The following PES1 variants were observed in gnomAD, a reference collection of about 807,000 sequenced individuals.
The protein encoded by PES1 is pescadillo ribosomal biogenesis factor 1.
Under a neutral mutation model 77.1 loss-of-function variants are expected in PES1, and 31 were observed. That is an observed-to-expected ratio of 0.40 (90% CI 0.30 to 0.54). The LOEUF (loss-of-function observed/expected upper bound fraction) is 0.54. Ranked by LOEUF, PES1 falls within the 20% of genes least tolerant of loss-of-function variation. PES1 has a pLI of 0.45. For missense variants in PES1, 658 were observed against 771.7 expected (o/e 0.85, Z 1.75); for synonymous variants, 282 against 303.0 (o/e 0.93, Z 0.72).
At chr22:30,591,772 C>T (rs201766739) in intron 1 of PES1, 38 bp downstream of exon 1, 59 of 1,551,334 alleles carry the variant, frequency 3.8e-5, no homozygotes, top group Non-Finnish European at 5.1e-5. Flanking sequence ...GCCCCCGCAC[C>T]CCACCCCTCG....
At chr22:30,591,488 A>G (rs904248038) in intron 1 of PES1, among the ~76,000 whole-genome samples, 3 of 152,142 alleles carry the variant, frequency 2.0e-5, no homozygotes, top group Admixed American at 1.3e-4. Flanking sequence ...AGTAACGGTG[A>G]GCTCTACGTA....
chr22:30,579,758 C>G lies in PES1; in HGVS notation c.1347G>C (p.Glu449Asp), dbSNP rs139824084. The G allele has an allele frequency of 2.5e-6, 4 of 1,613,730 alleles. No homozygotes were observed. Among genetic ancestry groups the G allele is most frequent in the Admixed American group, 1.7e-5 (1 of 59,996 alleles). Reference sequence around the variant, plus strand: ...CAGTCCCATCCCGCTCACCTGGGTCCTCTCCCCGCTGCAGAGCCAGCAGCT... The same window carrying G: ...CAGTCCCATCCCGCTCACCTGGGTCGTCTCCCCGCTGCAGAGCCAGCAGCT... Reference protein sequence around the residue: ...KLKLLALQRGEDPGNLNESEE... With the variant: ...KLKLLALQRGDDPGNLNESEE... Residue 449 changes from glutamate (E) to aspartate (D), a missense_variant, in exon 12 of 15, where the codon GAG becomes GAC. Transcript: ENST00000354694.
chr22:30,601,907 G>A (rs1242976680), intron 2 of PES1: 1 of 151,902 alleles, frequency 6.6e-6, no homozygotes, highest in Non-Finnish European at 1.5e-5. Flanking sequence ...CGAATAGCTG[G>A]GATTACAGGT....
chr22:30,579,484 TCCAAGACC>T (rs1336300317), intron 12 of PES1, 181 bp from the exon 13 acceptor site: 30 of 989,162 alleles, frequency 3.0e-5, no homozygotes, highest in Non-Finnish European at 4.3e-5. Context: ...CAGAGGAAAT[TCCAAGACC>T]CCCAGTCCTG....
rs1445335392 is a variant in PES1 at position 30,591,870 on chromosome 22, C to T, written c.-37G>A. 1 of 1,543,478 alleles carries T rather than the reference C, an allele frequency of 6.5e-7. No homozygotes were observed. On this transcript the variant is annotated 5_prime_UTR_variant, in exon 1 of 15. Coordinates refer to ENST00000354694, the MANE Select transcript of PES1 (RefSeq NM_014303.4). ...GAGGAGCCGACTAGGGCCGCGCGTA[C>T]AGGGAGCTCCACTTCCTCCCGCACG...
chr22:30,585,827 T>G (rs1385883167), intron 4 of PES1, among the ~76,000 whole-genome samples: 1 of 151,840 alleles, frequency 6.6e-6, no homozygotes, highest in Non-Finnish European at 1.5e-5. Context: ...CCAGATAGCA[T>G]CACTCACTGC....
chr22:30,604,697 G>C (rs1268739727), intron 2 of PES1, among the ~76,000 whole-genome samples: 1 of 151,920 alleles, frequency 6.6e-6, no homozygotes, highest in Non-Finnish European at 1.5e-5. Context: ...CTTGCAGCTG[G>C]CTTTAGAGGT....
intron 14 of PES1, among the ~76,000 whole-genome samples, chr22:30,578,422 C>G (rs191798517): frequency 6.6e-5 from 10 of 152,338 alleles, no homozygotes; most frequent in African/African-American, 2.4e-4. Flanking sequence ...CTGCATCACT[C>G]ATCACAGGGT....
intron 1 of PES1, 160 bp downstream of exon 1, chr22:30,591,650 A>C (rs2087177561): frequency 1.4e-6 from 1 of 723,410 alleles, no homozygotes; most frequent in Non-Finnish European, 2.2e-6. Context: ...GAATACTGCC[A>C]TCCTTGTCCA....
rs375523081 is a variant in PES1, at chr22:30,579,889, G to A, written c.1216C>T (p.Leu406Phe). 1.2e-6 allele frequency: 2 copies of A among 1,614,018 alleles called. No homozygotes were observed. Among genetic ancestry groups the A allele is most frequent in the African/African-American group, 2.7e-5 (2 of 74,930 alleles). Residue 406 changes from leucine to phenylalanine, a missense_variant, in exon 12 of 15, where the codon CTC becomes TTC. Leu to Phe is a conservative substitution (Grantham distance 22). Coordinates refer to ENST00000354694, the MANE Select transcript of PES1 (RefSeq NM_014303.4). ...QWVFDSVNARLLLPVAEYFSG... is the reference protein window; with the variant it reads ...QWVFDSVNARFLLPVAEYFSG... ...AAGTACTCTGCCACGGGGAGAAGGA[G>A]CCTGGCGTTCACTGAGTCAAACACC... is the stretch of plus-strand genomic sequence containing the variant.
upstream of PES1, among the ~76,000 whole-genome samples, chr22:30,593,308 G>A (rs929257910): frequency 9.2e-5 from 14 of 152,020 alleles, no homozygotes; most frequent in African/African-American, 2.9e-4. Context: ...CCAACATGGC[G>A]AAAACCCATC....
intron 4 of PES1, chr22:30,585,390 T>C (rs1028591593): frequency 4.3e-6 from 2 of 469,430 alleles, no homozygotes; most frequent in Non-Finnish European, 8.9e-6. Context: ...GACAGAGGCA[T>C]GGGTCACAGA....
At chr22:30,586,215 G>A (rs2087087355) in intron 4 of PES1, among the ~76,000 whole-genome samples, 2 of 152,158 alleles carry the variant, frequency 1.3e-5, no homozygotes, top group South Asian at 4.1e-4. Context: ...ACCTAACACT[G>A]TGTGCCACAG....
chr22:30,576,750 G>T lies in PES1; in HGVS notation c.*296C>A, dbSNP rs887919594. 6.7e-6 allele frequency: 3 copies of T among 444,856 alleles called. No individual in the cohort carries two copies. The highest frequency in any genetic ancestry group is 8.1e-6 in the Non-Finnish European group (2 of 247,700). 27.6% of individuals were successfully genotyped at this position (444,856 alleles called of 1,614,324 possible). The stretch of plus-strand genomic sequence containing the variant: ...GGGCTGTGGAAAGCCAGGATGAATG[G>T]GGGCAGTAGGTAGGGGGCTGGGTGG... On this transcript the variant is annotated 3_prime_UTR_variant, in exon 15 of 15. Transcript: ENST00000354694.
chr22:30,579,583 C>A, intron 12 of PES1, 168 bp downstream of exon 12: 1 of 710,028 alleles, frequency 1.4e-6, no homozygotes. Flanking sequence ...CAAATAACAC[C>A]TGACCCCAGG....
At chr22:30,591,763 C>T (rs552119651) in intron 1 of PES1, 47 bp downstream of exon 1, 1 of 1,544,602 alleles carries the variant, frequency 6.5e-7, no homozygotes, top group South Asian at 1.2e-5. Context: ...TGCTCTGCCG[C>T]CCCCGCACCC....
chr22:30,604,262 A>G (rs897019830), intron 2 of PES1, among the ~76,000 whole-genome samples: 1 of 152,186 alleles, frequency 6.6e-6, no homozygotes, highest in Admixed American at 6.6e-5. Context: ...TTGTGCTTTT[A>G]GGGGGAAAAA....
intron 1 of PES1, among the ~76,000 whole-genome samples, chr22:30,590,938 C>T (rs1465824932): frequency 6.6e-6 from 1 of 152,202 alleles, no homozygotes; most frequent in African/African-American, 2.4e-5. Flanking sequence ...GCACTGGATA[C>T]TCAATGTAGT....
intron 1 of PES1, among the ~76,000 whole-genome samples, chr22:30,606,022 T>A (rs1055604975): frequency 6.6e-6 from 1 of 152,180 alleles, no homozygotes; most frequent in Admixed American, 6.5e-5. Context: ...GAAGAACTAT[T>A]TTAAACTCGA....
Sources: gnomAD v4.1 joint callset for allele counts (sites outside exome capture counted in the v4.1 genomes callset) on GRCh38, gnomAD v4.1.1 for gene constraint, MANE v1.5 for transcripts, NCBI Gene and HGNC (gene_info 2026-07-23, HGNC 2026-07-21) for gene names.